The following TMEM117 variants were observed in gnomAD, a reference collection of about 807,000 sequenced individuals.
The protein encoded by TMEM117 is transmembrane protein 117.
In TMEM117, 27 loss-of-function variants were observed where a neutral mutation model predicts 52.4. The ratio of observed to expected loss-of-function variants is 0.51; its 90% CI spans 0.38 to 0.71. The LOEUF (loss-of-function observed/expected upper bound fraction) is 0.71. Among genes scored for constraint, TMEM117 ranks in the 30% least tolerant of loss-of-function variants. TMEM117 has a pLI of 0.00. For synonymous variants in TMEM117, 215 were observed against 206.3 expected, an observed-to-expected ratio of 1.04 and a Z score of -0.36; for missense variants, 556 against 630.5, an observed-to-expected ratio of 0.88 and a Z score of 1.26.
intron 2 of TMEM117, among the ~76,000 whole-genome samples, chr12:43,937,044 G>T (rs574813834): frequency 1.5e-3 from 225 of 152,210 alleles, no homozygotes; most frequent in Non-Finnish European, 1.6e-3. Flanking sequence ...GAGAGGAGGG[G>T]GTGTGGTTTT....
At chr12:44,173,351 A>T (rs527481126) in intron 4 of TMEM117, among the ~76,000 whole-genome samples, 1 of 152,346 alleles carries the variant, frequency 6.6e-6, no homozygotes, top group East Asian at 1.9e-4. Flanking sequence ...CGCTGGAATT[A>T]TAGACGTGAG....
At chr12:44,212,712 G>T (rs1015371644) in intron 5 of TMEM117, among the ~76,000 whole-genome samples, 1 of 151,934 alleles carries the variant, frequency 6.6e-6, no homozygotes, top group Non-Finnish European at 1.5e-5. Flanking sequence ...ATTATAGCTG[G>T]CTCTGATGTA....
intron 3 of TMEM117, among the ~76,000 whole-genome samples, chr12:44,057,644 C>CAA (rs111783899): frequency 1.7e-4 from 23 of 138,048 alleles, no homozygotes; most frequent in East Asian, 1.1e-3. Flanking sequence ...CAATATTTCT[C>CAA]AAAAAAAAAA....
chr12:44,390,261 C>T (rs987783228), downstream of TMEM117, among the ~76,000 whole-genome samples: 7 of 151,556 alleles, frequency 4.6e-5, no homozygotes, highest in African/African-American at 1.7e-4. Context: ...ACTATAGTAA[C>T]CCATTGCCCA....
intron 3 of TMEM117, among the ~76,000 whole-genome samples, chr12:44,127,492 CATG>C (rs1411670621): frequency 6.6e-6 from 1 of 152,048 alleles, no homozygotes; most frequent in African/African-American, 2.4e-5. Context: ...GCCTGACCAA[CATG>C]GAGAAACCCC....
At chr12:44,365,606 C>G (rs1951779230) in intron 6 of TMEM117, among the ~76,000 whole-genome samples, 1 of 152,002 alleles carries the variant, frequency 6.6e-6, no homozygotes, top group Non-Finnish European at 1.5e-5. Flanking sequence ...TAAGAAAAAT[C>G]CTACCTACCA....
the TMEM117 span, among the ~76,000 whole-genome samples, chr12:43,822,797 C>A: frequency 6.6e-6 from 1 of 150,860 alleles, no homozygotes; most frequent in Non-Finnish European, 1.5e-5. Context: ...CTTGGGAGGC[C>A]GAGGTAGGAG....
intron 6 of TMEM117, among the ~76,000 whole-genome samples, chr12:44,360,628 A>G (rs1951709019): frequency 6.6e-6 from 1 of 151,998 alleles, no homozygotes; most frequent in Non-Finnish European, 1.5e-5. Flanking sequence ...AAAACACATT[A>G]AAAACATATT....
intron 3 of TMEM117, among the ~76,000 whole-genome samples, chr12:43,974,734 T>C (rs1013778903): frequency 2.0e-5 from 3 of 152,154 alleles, no homozygotes; most frequent in Non-Finnish European, 4.4e-5. Context: ...AATTTCCTCA[T>C]TTGCTACAAC....
intron 3 of TMEM117, among the ~76,000 whole-genome samples, chr12:44,121,569 A>C (rs1157982993): frequency 6.6e-6 from 1 of 152,294 alleles, no homozygotes; most frequent in Non-Finnish European, 1.5e-5. Context: ...ATATTGTACA[A>C]ATGTAGTATG....
At chr12:44,321,901 C>G (rs1377848784) in intron 6 of TMEM117, among the ~76,000 whole-genome samples, 1 of 152,110 alleles carries the variant, frequency 6.6e-6, no homozygotes, top group East Asian at 1.9e-4. Flanking sequence ...TTACTATGCT[C>G]TCTGTAATAA....
At chr12:44,062,553 G>A (rs1341590365) in intron 3 of TMEM117, among the ~76,000 whole-genome samples, 5 of 152,166 alleles carry the variant, frequency 3.3e-5, no homozygotes, top group African/African-American at 1.2e-4. Context: ...CTGATGATGG[G>A]CTAAATCAGA....
chr12:43,977,550 C>A (rs1048578837), intron 3 of TMEM117, among the ~76,000 whole-genome samples: 3 of 152,096 alleles, frequency 2.0e-5, no homozygotes, highest in Admixed American at 6.5e-5. Context: ...AAGTGCTTTT[C>A]TATAGCTAAT....
At chr12:43,806,358 C>T in the TMEM117 span, 6 of 1,245,526 alleles carry the variant, frequency 4.8e-6, no homozygotes, top group Non-Finnish European at 3.0e-6. Flanking sequence ...CCGCCCGCGA[C>T]CCGCGGCCGC....
At chr12:43,821,043 C>T in the TMEM117 span, among the ~76,000 whole-genome samples, 1 of 149,620 alleles carries the variant, frequency 6.7e-6, no homozygotes, top group Non-Finnish European at 1.5e-5. Context: ...TGCAGTGAGT[C>T]GAGATCGCGC....
At position 44,081,629 on chromosome 12, in the gene TMEM117, A is replaced by C. The variant is rs115397681; in HGVS notation, c.411-61896A>C. The stretch of plus-strand genomic sequence containing the variant: ...AGTGATTTCCTTCTGGTAGAGTCTT[A>C]AGTTCTGAGTTTGAAGCTTCCATGA... On this transcript the variant is annotated intron_variant, in intron 3 of 7. Coordinates refer to ENST00000266534, the MANE Select transcript of TMEM117 (RefSeq NM_032256.3). 8.1e-3 allele frequency among the ~76,000 whole-genome samples: 1,240 copies of C among 152,246 alleles called. 13 individuals are homozygous for C. The highest frequency in any genetic ancestry group is 0.028 in the African/African-American group (1,182 of 41,566).
At chr12:43,843,619 G>A (rs183392422) in intron 1 of TMEM117, among the ~76,000 whole-genome samples, 7 of 152,306 alleles carry the variant, frequency 4.6e-5, no homozygotes, top group Admixed American at 6.5e-5. Context: ...TGGATGTGCC[G>A]TAGCCACTGC....
chr12:44,381,785 A>G lies in TMEM117; in HGVS notation c.898+5061A>G, dbSNP rs573918917. Among the ~76,000 whole-genome samples the G allele has an allele frequency of 2.6e-5, 4 of 152,220 alleles. No individual in the cohort carries two copies. In the South Asian group the frequency reaches 8.3e-4, roughly 32 times the overall value. ...AGGATTTTATTTTCATAGGTGCATG[A>G]TTTCTAGCAAATGAGTTCCCAGAGA... is the stretch of plus-strand genomic sequence containing the variant. On this transcript the variant is annotated intron_variant, in intron 7 of 7. Transcript: ENST00000266534.
intron 3 of TMEM117, among the ~76,000 whole-genome samples, chr12:44,117,121 C>G (rs571710349): frequency 1.3e-5 from 2 of 152,276 alleles, no homozygotes; most frequent in East Asian, 3.9e-4. Context: ...ACTCTAACTC[C>G]CTAGTTTTCC....
Sources: gnomAD v4.1 joint callset for allele counts (sites outside exome capture counted in the v4.1 genomes callset) on GRCh38, gnomAD v4.1.1 for gene constraint, MANE v1.5 for transcripts, NCBI Gene and HGNC (gene_info 2026-07-23, HGNC 2026-07-21) for gene names.